PTPRS: variants seen among roughly 807,000 people sequenced by gnomAD.
PTPRS encodes the protein protein tyrosine phosphatase receptor type S, also known as receptor-type tyrosine-protein phosphatase S.
Under a neutral mutation model 215.3 loss-of-function variants are expected in PTPRS, and 63 were observed. The observed-to-expected ratio is 0.29, with a 90% CI of 0.24 to 0.36. PTPRS has a LOEUF of 0.36. Among genes scored for constraint, PTPRS ranks in the 10% least tolerant of loss-of-function variants. The pLI is 1.00. For missense variants in PTPRS, 2,258 were observed against 2,825.8 expected (o/e 0.80, Z 4.56); for synonymous variants, 1,404 against 1,191.4 (o/e 1.18, Z -3.68).
intron 2 of PTPRS, among the ~76,000 whole-genome samples, chr19:5,274,751 T>C (rs2146612403): frequency 6.6e-6 from 1 of 152,286 alleles, no homozygotes; most frequent in East Asian, 1.9e-4. Context: ...CCCCCCTCCA[T>C]GGTGACCAGC....
At position 5,218,483 on chromosome 19, in the gene PTPRS, C is replaced by T. The variant is rs370332631; in HGVS notation, c.3985G>A (p.Asp1329Asn). The T allele has an allele frequency of 6.1e-5, 99 of 1,613,918 alleles. No individual in the cohort carries two copies. Among genetic ancestry groups the T allele is most frequent in the Non-Finnish European group, 7.5e-5 (88 of 1,180,008 alleles). Residue 1329 changes from aspartate (D) to asparagine (N), a missense_variant, in exon 25 of 38, where the codon GAC becomes AAC. By Grantham distance (23) the Asp-to-Asn change is conservative. Around this residue, in one of 6 missense-constraint regions of PTPRS, gnomAD observed 927 missense variants for 1,125.9 expected, o/e 0.82. Coordinates refer to ENST00000262963, the MANE Select transcript of PTPRS (RefSeq NM_002850.4). Reference sequence around the variant, plus strand: ...TCCTTGGGGTGGTGAGGGGCGAGGTCGGCATTGTTCAGGAGGCATTTGGTG... The same window carrying T: ...TCCTTGGGGTGGTGAGGGGCGAGGTTGGCATTGTTCAGGAGGCATTTGGTG... ...PRTKCLLNNA[D>N]LAPHHPKDPV...
intron 17 of PTPRS, 28 bp from the exon 18 acceptor site, chr19:5,223,325 G>C: frequency 1.4e-6 from 2 of 1,432,848 alleles, no homozygotes; most frequent in South Asian, 3.0e-5. Flanking sequence ...AGGTGTCAGG[G>C]TCCCAGCGCC....
intron 4 of PTPRS, among the ~76,000 whole-genome samples, chr19:5,267,065 A>G (rs2046455228): frequency 6.6e-6 from 1 of 152,162 alleles, no homozygotes; most frequent in Non-Finnish European, 1.5e-5. Context: ...AGCTCAATCA[A>G]TGAACAAACA....
chr19:5,265,229 G>A (rs756238807), intron 4 of PTPRS, 33 bp from the exon 5 acceptor site: 2 of 1,591,622 alleles, frequency 1.3e-6, no homozygotes, highest in Non-Finnish European at 1.7e-6. Flanking sequence ...AATGGGCATG[G>A]TTCTGAGCAC....
At chr19:5,229,788 G>T in intron 14 of PTPRS, 104 bp from the exon 15 acceptor site, 2 of 694,022 alleles carry the variant, frequency 2.9e-6, no homozygotes, top group Non-Finnish European at 4.0e-6. Context: ...CCGAGTGGCT[G>T]CCGGTGAATA....
At chr19:5,327,701 A>T (rs566557894) in intron 1 of PTPRS, among the ~76,000 whole-genome samples, 10 of 152,230 alleles carry the variant, frequency 6.6e-5, no homozygotes, top group Non-Finnish European at 1.5e-4. Context: ...CCTGGGCTCA[A>T]GCAATCCTCC....
chr19:5,211,060 T>G (rs1018889814), intron 33 of PTPRS, among the ~76,000 whole-genome samples: 1 of 152,228 alleles, frequency 6.6e-6, no homozygotes, highest in African/African-American at 2.4e-5. Context: ...TCTCCTGATT[T>G]CTTCCCTCCA....
chr19:5,289,752 C>A (rs1735506431), intron 1 of PTPRS, among the ~76,000 whole-genome samples: 1 of 152,218 alleles, frequency 6.6e-6, no homozygotes, highest in Non-Finnish European at 1.5e-5. Flanking sequence ...AAGGGTGTCT[C>A]TGCACTACAA....
intron 1 of PTPRS, among the ~76,000 whole-genome samples, chr19:5,335,768 A>C (rs1374842920): frequency 6.6e-6 from 1 of 152,164 alleles, no homozygotes; most frequent in Non-Finnish European, 1.5e-5. Flanking sequence ...CCAAAAATCC[A>C]GGCTCTGAAC....
chr19:5,275,597 G>A (rs1373714485), intron 2 of PTPRS, among the ~76,000 whole-genome samples: 1 of 151,866 alleles, frequency 6.6e-6, no homozygotes, highest in African/African-American at 2.4e-5. Context: ...CCTGAGGTCA[G>A]CAGTTCGAGA....
At chr19:5,300,518 C>G (rs946458251) in intron 1 of PTPRS, among the ~76,000 whole-genome samples, 3 of 151,840 alleles carry the variant, frequency 2.0e-5, no homozygotes, top group African/African-American at 4.8e-5. Flanking sequence ...CACCTGTAAT[C>G]CCAACACTTT....
intron 16 of PTPRS, among the ~76,000 whole-genome samples, chr19:5,226,679 G>A (rs1408287221): frequency 6.6e-6 from 1 of 152,166 alleles, no homozygotes; most frequent in Non-Finnish European, 1.5e-5. Context: ...AACCCAGGAG[G>A]CGGAGGTTGC....
At chr19:5,281,109 C>T (rs763535457) in intron 2 of PTPRS, among the ~76,000 whole-genome samples, 8 of 151,462 alleles carry the variant, frequency 5.3e-5, no homozygotes, top group African/African-American at 1.9e-4. Context: ...TCTTATTTAT[C>T]CCTCTGTTGC....
In PTPRS at chr19:5,257,803, G is replaced by A. The variant is rs1044578868; in HGVS notation, c.706+214C>T. On this transcript the variant is annotated intron_variant, in intron 8 of 37. Transcript: ENST00000262963. This position sits in a 1 kb window ranked among gnomAD's most constrained non-coding sequence, Gnocchi z 4.4. The stretch of plus-strand genomic sequence containing the variant: ...CCACGGGGCATCTCTCGCAAGGCAC[G>A]AGGAAGGGAATTTAAGCTGCCCCCA... Among the ~76,000 whole-genome samples the A allele has an allele frequency of 9.2e-5, 14 of 152,208 alleles. No individual in the cohort carries two copies. The highest frequency in any genetic ancestry group is 3.9e-4 in the East Asian group (2 of 5,190).
At chr19:5,306,555 T>C (rs1168140829) in intron 1 of PTPRS, among the ~76,000 whole-genome samples, 3 of 152,144 alleles carry the variant, frequency 2.0e-5, no homozygotes, top group African/African-American at 7.2e-5. Flanking sequence ...TTCTCGCCTG[T>C]GGTAGGATCT....
At chr19:5,327,418 G>C (rs1192235575) in intron 1 of PTPRS, among the ~76,000 whole-genome samples, 1 of 152,116 alleles carries the variant, frequency 6.6e-6, no homozygotes, top group Non-Finnish European at 1.5e-5. Flanking sequence ...TGAGGCCCTG[G>C]AGGGTGAAAC....
chr19:5,240,271 G>T lies in PTPRS; in HGVS notation c.1632C>A (p.Ser544=). 4 of 1,597,180 alleles carry T rather than the reference G, an allele frequency of 2.5e-6. No homozygotes were observed. Among genetic ancestry groups the T allele is most frequent in the Non-Finnish European group, 3.4e-6 (4 of 1,173,426 alleles). ...TACTCTCCTGCCGCGGGGGGCTCCA[G>T]GACAGCGTGATGCTGGTCTCCGACC... ...EARSETSITL[S]WSPPRQESII... Residue 544 remains serine, a synonymous_variant, in exon 12 of 38, where the codon TCC becomes TCA. Coordinates refer to ENST00000262963, the MANE Select transcript of PTPRS (RefSeq NM_002850.4).
Position 5,229,473 on chromosome 19 carries a change from C to T in PTPRS, c.2349+18G>A. 9 of 1,405,604 alleles carry T rather than the reference C, an allele frequency of 6.4e-6. No individual in the cohort carries two copies. The highest frequency in any genetic ancestry group is 8.3e-6 in the Non-Finnish European group (9 of 1,084,242). 87.1% of individuals were successfully genotyped at this position (1,405,604 alleles called of 1,614,324 possible). On this transcript the variant is annotated intron_variant, in intron 15 of 37. Transcript: ENST00000262963. ...CGCCCGGAGCCCGTCCCCGGCCCCG[C>T]CCCGGCCCCCCGCCCACCTGGGCAT...
intron 1 of PTPRS, among the ~76,000 whole-genome samples, chr19:5,340,221 CCCGCCCGGGGA>C (rs1444645230): frequency 1.3e-5 from 2 of 150,470 alleles, no homozygotes; most frequent in Non-Finnish European, 3.0e-5. Flanking sequence ...GCCTCCAGGA[CCCGCCCGGGGA>C]CCCGGGCCGG....
Sources: allele counts gnomAD v4.1 joint callset (sites outside exome capture counted in the v4.1 genomes callset), GRCh38; gene constraint gnomAD v4.1.1; regional missense constraint gnomAD v4.1.1; non-coding constraint Gnocchi (gnomAD v3.1); transcripts MANE v1.5; gene names NCBI Gene and HGNC (gene_info 2026-07-23, HGNC 2026-07-21).